The following TBX18 variants were observed in gnomAD, a reference collection of about 807,000 sequenced individuals.
The protein encoded by TBX18 is T-box transcription factor 18, also known as T-box transcription factor TBX18.
TBX18 carries 21 observed loss-of-function variants against 55.0 expected under a neutral mutation model. The ratio of observed to expected loss-of-function variants is 0.38; its 90% CI spans 0.27 to 0.55. TBX18 has a LOEUF of 0.55. Ranked by LOEUF, TBX18 falls within the 20% of genes least tolerant of loss-of-function variation. The probability of loss-of-function intolerance (pLI) is 0.73; values close to 1 mark genes in which losing one functional copy is unlikely to be tolerated. For missense variants in TBX18, 840 were observed against 799.6 expected, an observed-to-expected ratio of 1.05 and a Z score of -0.61; for synonymous variants, 342 against 326.1, an observed-to-expected ratio of 1.05 and a Z score of -0.53.
chr6:84,733,003 C>T lies in TBX18; in HGVS notation c.*3682G>A, dbSNP rs753671048. 1 of 152,052 alleles carries T rather than the reference C, an allele frequency of 6.6e-6. No homozygotes were observed. The highest frequency in any genetic ancestry group is 1.5e-5 in the Non-Finnish European group (1 of 67,982). The allele number at this position is 152,052 out of a possible 1,614,324, so 9.4% of individuals were successfully genotyped here. A position where few individuals can be genotyped will look rare whatever the true frequency, so the allele number is the denominator to read the frequency against. On this transcript the variant is annotated 3_prime_UTR_variant, in exon 8 of 8. Coordinates refer to ENST00000369663, the MANE Select transcript of TBX18 (RefSeq NM_001080508.3). ...CCTTTCACACATAGCAAAACTGAGA[C>T]ATAAAGCAGCTAATTTTTTTACCCA...
chr6:84,744,233 A>G (rs1767121913), intron 6 of TBX18, 28 bp downstream of exon 6: 1 of 1,582,324 alleles, frequency 6.3e-7, no homozygotes, highest in African/African-American at 1.4e-5. Context: ...TATTTATCAT[A>G]ACCGGAATGG....
At chr6:84,750,320 G>A (rs1767314203) in intron 4 of TBX18, among the ~76,000 whole-genome samples, 1 of 148,816 alleles carries the variant, frequency 6.7e-6, no homozygotes, top group Admixed American at 6.7e-5. Flanking sequence ...CTAAATCTAA[G>A]TTTATGTTCT....
In TBX18 at chr6:84,746,420, GTATAT is replaced by G. The variant is rs1342071574; in HGVS notation, c.939+1495_939+1499del. Among the ~76,000 whole-genome samples the G allele has an allele frequency of 1.9e-3, 280 of 145,058 alleles. 1 individual carries two copies. Among genetic ancestry groups the G allele is most frequent in the African/African-American group, 5.5e-3 (219 of 39,826 alleles). On this transcript the variant is annotated intron_variant, in intron 5 of 7. Transcript: ENST00000369663. ...AATATACTAAATATAATTATATTAA[GTATAT>G]TATAATTATATATTATATAATATTT... is the stretch of plus-strand genomic sequence containing the variant.
At chr6:84,748,369 AAATT>A (rs1292763083) in intron 4 of TBX18, among the ~76,000 whole-genome samples, 1 of 152,226 alleles carries the variant, frequency 6.6e-6, no homozygotes, top group Non-Finnish European at 1.5e-5. Flanking sequence ...ACACAGGAAT[AAATT>A]AATAAGCATT....
intron 4 of TBX18, among the ~76,000 whole-genome samples, chr6:84,755,253 G>C (rs1582081241): frequency 6.6e-6 from 1 of 152,212 alleles, no homozygotes; most frequent in Admixed American, 6.5e-5. Context: ...TTATTAAGAA[G>C]TTTATAACTT....
intron 4 of TBX18, among the ~76,000 whole-genome samples, chr6:84,755,146 G>A (rs767458): frequency 6.6e-6 from 1 of 151,790 alleles, no homozygotes; most frequent in African/African-American, 2.4e-5. Context: ...TAAATTACTA[G>A]ATCTATATCT....
In TBX18 at chr6:84,732,968, C is replaced by T. The variant is rs907664609; in HGVS notation, c.*3717G>A. The T allele has an allele frequency of 3.9e-5, 6 of 152,010 alleles. No individual in the cohort carries two copies. Among genetic ancestry groups the T allele is most frequent in the African/African-American group, 1.4e-4 (6 of 41,396 alleles). The allele number at this position is 152,010 out of a possible 1,614,324, so 9.4% of individuals were successfully genotyped here. A position where few individuals can be genotyped will look rare whatever the true frequency, so the allele number is the denominator to read the frequency against. On this transcript the variant is annotated 3_prime_UTR_variant, in exon 8 of 8. Transcript: ENST00000369663. The stretch of plus-strand genomic sequence containing the variant: ...TAAAAGGAATACTAACAATTATCAT[C>T]CCAGCCATTCCTTTCACACATAGCA...
chr6:84,736,561 A>T lies in TBX18; in HGVS notation c.*124T>A. 2 of 1,163,424 alleles carry T rather than the reference A, an allele frequency of 1.7e-6. No individual in the cohort carries two copies. The highest frequency in any genetic ancestry group is 2.3e-6 in the Non-Finnish European group (2 of 861,802). The allele number at this position is 1,163,424 out of a possible 1,614,324, so 72.1% of individuals were successfully genotyped here. A position where few individuals can be genotyped will look rare whatever the true frequency, so the allele number is the denominator to read the frequency against. ...CATGATAAAGTCAAAAAACCCAGTGAGCCTTCATTTTCTATTATATGTACA... is the reference window on the plus strand; with the variant it reads ...CATGATAAAGTCAAAAAACCCAGTGTGCCTTCATTTTCTATTATATGTACA... On this transcript the variant is annotated 3_prime_UTR_variant, in exon 8 of 8. Transcript: ENST00000369663.
intron 1 of TBX18, chr6:84,763,552 A>C (rs1767718881): frequency 1.8e-6 from 1 of 563,280 alleles, no homozygotes; most frequent in Admixed American, 2.2e-5. Context: ...TGCTTTTAAA[A>C]GTTAGGAAAC....
At chr6:84,754,031 G>A (rs532377064) in intron 4 of TBX18, among the ~76,000 whole-genome samples, 1 of 152,274 alleles carries the variant, frequency 6.6e-6, no homozygotes, top group South Asian at 2.1e-4. Context: ...GGGTTCAAGT[G>A]ATTCTCCTGC....
At chr6:84,738,397 T>A in intron 7 of TBX18, 100 bp downstream of exon 7, 3 of 914,688 alleles carry the variant, frequency 3.3e-6, no homozygotes, top group South Asian at 1.3e-5. Context: ...GGTGATGAGG[T>A]CATTATTGTA....
chr6:84,747,852 G>A, intron 5 of TBX18, 68 bp downstream of exon 5: 1 of 1,430,660 alleles, frequency 7.0e-7, no homozygotes, highest in Non-Finnish European at 9.7e-7. Flanking sequence ...AGAGTGAGAA[G>A]GATAGCTAAC....
At chr6:84,748,140 A>G (rs1767248494) in intron 4 of TBX18, 53 bp from the exon 5 acceptor site, 4 of 1,385,530 alleles carry the variant, frequency 2.9e-6, no homozygotes, top group Non-Finnish European at 4.0e-6. Context: ...CCCAACCTCA[A>G]CAACCTGACT....
chr6:84,732,875 G>A lies in TBX18; in HGVS notation c.*3810C>T, dbSNP rs1286877364. 2 of 151,542 alleles carry A rather than the reference G, an allele frequency of 1.3e-5. No homozygotes were observed. Among genetic ancestry groups the A allele is most frequent in the Admixed American group, 1.3e-4 (2 of 15,212 alleles). 9.4% of individuals were successfully genotyped at this position (151,542 alleles called of 1,614,324 possible). ...AGAATATATTCCAAAAGATATAATA[G>A]TTTTATAAAACTAGTTTCCCAATAT... is the stretch of plus-strand genomic sequence containing the variant. On this transcript the variant is annotated 3_prime_UTR_variant, in exon 8 of 8. Transcript: ENST00000369663.
chr6:84,742,714 C>T (rs1247311546), intron 6 of TBX18, among the ~76,000 whole-genome samples: 2 of 152,038 alleles, frequency 1.3e-5, no homozygotes, highest in Non-Finnish European at 2.9e-5. Flanking sequence ...CTGAGTATTT[C>T]TCTCCCGGAA....
intron 6 of TBX18, chr6:84,741,849 A>T (rs980503042): frequency 1.3e-5 from 2 of 152,152 alleles, no homozygotes; most frequent in African/African-American, 4.8e-5. Context: ...AGTCTTACAT[A>T]TAACTTGGTC....
rs200815995 is a variant in TBX18, at chr6:84,737,228, G to C, written c.1281C>G (p.Leu427=). The C allele has an allele frequency of 2.5e-6, 4 of 1,610,940 alleles. No individual in the cohort carries two copies. The East Asian group carries it at 6.7e-5, about 27-fold the overall frequency. Reference sequence around the variant, plus strand: ...CTGCCAAAGATGTGCTGTATCGGTTGAGGGTGAGGCCTGAGCGGGCACAGG... The same window carrying C: ...CTGCCAAAGATGTGCTGTATCGGTTCAGGGTGAGGCCTGAGCGGGCACAGG... The part of the protein sequence containing the change: ...YSACARSGLT[L]NRYSTSLAET... The change falls in exon 8 of 8, where the codon CTC becomes CTG. Residue 427 remains leucine, a synonymous_variant. Coordinates refer to ENST00000369663, the MANE Select transcript of TBX18 (RefSeq NM_001080508.3).
intron 2 of TBX18, among the ~76,000 whole-genome samples, chr6:84,762,079 C>A (rs180863023): frequency 1.3e-5 from 2 of 152,038 alleles, no homozygotes; most frequent in Admixed American, 6.6e-5. Flanking sequence ...TGATAAAGAA[C>A]CAATCTGCCT....
Position 84,735,644 on chromosome 6 carries a change from T to C in TBX18, c.*1041A>G, listed in dbSNP as rs1034916963. 2 of 152,158 alleles carry C rather than the reference T, an allele frequency of 1.3e-5. No individual in the cohort carries two copies. The highest frequency in any genetic ancestry group is 4.8e-5 in the African/African-American group (2 of 41,428). 9.4% of individuals were successfully genotyped at this position (152,158 alleles called of 1,614,324 possible). ...TTCAATGTGTAGGAATTACAAGATA[T>C]AAATAAGTAGCATAAATGCATTTTT... On this transcript the variant is annotated 3_prime_UTR_variant, in exon 8 of 8. Transcript: ENST00000369663.
Sources: allele counts gnomAD v4.1 joint callset (sites outside exome capture counted in the v4.1 genomes callset), GRCh38; gene constraint gnomAD v4.1.1; transcripts MANE v1.5; gene names NCBI Gene and HGNC (gene_info 2026-07-23, HGNC 2026-07-21).